WAPL: variants seen among roughly 807,000 people sequenced by gnomAD.
WAPL encodes the protein wings apart-like protein homolog.
Under a neutral mutation model 121.0 loss-of-function variants are expected in WAPL, and 5 were observed. The ratio of observed to expected loss-of-function variants is 0.04; its 90% confidence interval spans 0.02 to 0.09. The LOEUF (loss-of-function observed/expected upper bound fraction) is 0.09. WAPL is among the 10% of genes least tolerant of loss of function. WAPL has a pLI of 1.00. For missense variants in WAPL, 999 were observed against 1,410.8 expected (o/e 0.71, Z 4.68); for synonymous variants, 480 against 481.5 (o/e 1.00, Z 0.04).
intron 7 of WAPL, 56 bp from the exon 8 acceptor site, chr10:86,471,159 G>T: frequency 6.8e-7 from 1 of 1,467,896 alleles, no homozygotes; most frequent in South Asian, 1.2e-5. Context: ...CATTAGTTTT[G>T]AGTTTGTGTA....
intron 11 of WAPL, among the ~76,000 whole-genome samples, chr10:86,459,731 A>G (rs4934212): frequency 0.82 from 124,174 of 152,244 alleles, 51,869 homozygotes; most frequent in Non-Finnish European, 0.92. Context: ...AAATGCTAAT[A>G]ACAATTTAAA....
Position 86,472,172 on chromosome 10 carries a change from T to C in WAPL, c.2030+36A>G. Reference sequence around the variant, plus strand: ...CTAGTTGAAAAAATTTAATACAGCATGCACATAATTGTAAAATATAAAAAT... The same window carrying C: ...CTAGTTGAAAAAATTTAATACAGCACGCACATAATTGTAAAATATAAAAAT... On this transcript the variant is annotated intron_variant, in intron 7 of 18. Transcript: ENST00000298767. This position sits in a 1 kb window ranked among gnomAD's most constrained non-coding sequence, Gnocchi z 4.2. 2 of 1,520,620 alleles carry C rather than the reference T, an allele frequency of 1.3e-6. No individual in the cohort carries two copies. The highest frequency in any genetic ancestry group is 1.8e-6 in the Non-Finnish European group (2 of 1,141,788). 94.2% of individuals were successfully genotyped at this position (1,520,620 alleles called of 1,614,324 possible). A position where few individuals can be genotyped will look rare whatever the true frequency, so the allele number is the denominator to read the frequency against.
intron 4 of WAPL, among the ~76,000 whole-genome samples, chr10:86,487,237 A>G (rs2132208821): frequency 6.6e-6 from 1 of 152,176 alleles, no homozygotes. Flanking sequence ...TAATCTAAGT[A>G]TATCAGCACA....
chr10:86,440,339 A>G (rs536259116), intron 17 of WAPL, among the ~76,000 whole-genome samples: 5 of 151,736 alleles, frequency 3.3e-5, no homozygotes, highest in Admixed American at 1.3e-4. Context: ...CCAGGCTGGA[A>G]TGCAGTGGTG....
chr10:86,506,107 C>T (rs1239927516), intron 2 of WAPL, among the ~76,000 whole-genome samples: 1 of 152,118 alleles, frequency 6.6e-6, no homozygotes, highest in Non-Finnish European at 1.5e-5. Context: ...TGATGGTACA[C>T]ACCCGTGGTC....
chr10:86,447,677 A>G (rs1849658270), intron 15 of WAPL, among the ~76,000 whole-genome samples: 1 of 152,214 alleles, frequency 6.6e-6, no homozygotes, highest in South Asian at 2.1e-4. Flanking sequence ...GGAGTTAGGC[A>G]TATCAACTTT....
intron 17 of WAPL, 100 bp downstream of exon 17, chr10:86,443,175 A>G (rs1386519928): frequency 1.1e-6 from 1 of 895,534 alleles, no homozygotes; most frequent in African/African-American, 1.6e-5. Flanking sequence ...ATTAAGGGGG[A>G]AACACTGAAG....
Position 86,472,836 on chromosome 10 carries a change from A to T in WAPL, c.1741-72T>A, listed in dbSNP as rs1841564750. The T allele has an allele frequency of 1.4e-6, 2 of 1,418,660 alleles. No homozygotes were observed. Among genetic ancestry groups the T allele is most frequent in the Admixed American group, 5.2e-5 (2 of 38,674 alleles). 87.9% of individuals were successfully genotyped at this position (1,418,660 alleles called of 1,614,324 possible). On this transcript the variant is annotated intron_variant, in intron 5 of 18. Transcript: ENST00000298767. The surrounding 1 kb of genome is among the most constrained non-coding windows in gnomAD (Gnocchi z 4.2). ...AATAGGAACGTCTCATCTATCTGGC[A>T]AATTCAGCTTCAAAAAAAAGTAAAT...
rs1026905491 is a variant in WAPL, at chr10:86,499,702, T to G, written c.1525+16A>C. 4 of 1,536,624 alleles carry G rather than the reference T, an allele frequency of 2.6e-6. No individual in the cohort carries two copies. In the African/African-American group the frequency reaches 4.2e-5, roughly 16 times the overall value. ...GGAACTATTGTACTTATTATACATA[T>G]TTTTTAAATTCTTACCTGCATTGTT... On this transcript the variant is annotated intron_variant, in intron 3 of 18. Coordinates refer to ENST00000298767, the MANE Select transcript of WAPL (RefSeq NM_015045.5).
At chr10:86,509,096 CTT>C (rs1237522459) in intron 2 of WAPL, among the ~76,000 whole-genome samples, 9 of 152,194 alleles carry the variant, frequency 5.9e-5, no homozygotes, top group Admixed American at 3.9e-4. Context: ...CTTACACTCT[CTT>C]TAATGACTTC....
chr10:86,450,081 G>A (rs1420055123), intron 15 of WAPL, among the ~76,000 whole-genome samples: 1 of 152,184 alleles, frequency 6.6e-6, no homozygotes, highest in East Asian at 1.9e-4. Flanking sequence ...TTTTGCTATA[G>A]TACTACAGTT....
rs1296932655 is a variant in WAPL at position 86,471,056 on chromosome 10, T to A, written c.2078A>T (p.His693Leu). 6.2e-7 allele frequency: 1 copy of A among 1,613,824 alleles called. No individual in the cohort carries two copies. The highest frequency in any genetic ancestry group is 1.3e-5 in the African/African-American group (1 of 74,926). ...TGCTACCATCCCATGTGCTCTCAGG[T>A]GCATTCGAAAACTGGGCATGGCACA... is the stretch of plus-strand genomic sequence containing the variant. Reference protein sequence around the residue: ...TKCAMPSFRMHLRAHGMVAMV... With the variant: ...TKCAMPSFRMLLRAHGMVAMV... Residue 693 changes from histidine to leucine, a missense_variant, in exon 8 of 19, where the codon CAC becomes CTC. This residue lies in a region of WAPL where 118 missense variants were observed against 318.3 expected (regional missense o/e 0.37). Transcript: ENST00000298767.
chr10:86,477,461 G>C (rs1841684364), intron 4 of WAPL, among the ~76,000 whole-genome samples: 3 of 152,130 alleles, frequency 2.0e-5, no homozygotes. Context: ...CATTCTGATT[G>C]CACCACCAGG....
chr10:86,455,266 G>T (rs1414265168), intron 12 of WAPL, among the ~76,000 whole-genome samples: 2 of 152,270 alleles, frequency 1.3e-5, no homozygotes, highest in Non-Finnish European at 2.9e-5. Flanking sequence ...GTGGGGAAAA[G>T]AAAATCAGAT....
rs766842267 is a variant in WAPL, at chr10:86,453,754, G to A, written c.2735C>T (p.Pro912Leu). 18 of 1,614,062 alleles carry A rather than the reference G, an allele frequency of 1.1e-5. No individual in the cohort carries two copies. Among genetic ancestry groups the A allele is most frequent in the Non-Finnish European group, 1.4e-5 (16 of 1,180,034 alleles). The change falls in exon 13 of 19, where the codon CCT becomes CTT. Residue 912 changes from proline to leucine, a missense_variant. Pro to Leu is a moderately conservative substitution (Grantham distance 98). Coordinates refer to ENST00000298767, the MANE Select transcript of WAPL (RefSeq NM_015045.5). ...GTTAGTTACATTCTGGTGAGGCAGA[G>A]GCTTACTGTCAGCTAAGCATATGCT... ...EDSICLADSK[P>L]LPHQNVTNHV...
chr10:86,462,886 TGAAGCCTAATGAGG>T (rs1448755608), intron 9 of WAPL, among the ~76,000 whole-genome samples: 3 of 152,200 alleles, frequency 2.0e-5, no homozygotes, highest in Non-Finnish European at 4.4e-5. Context: ...CAGGCAAAGC[TGAAGCCTAATGAGG>T]CATTCTTTGT....
chr10:86,494,470 T>C (rs1842112645), intron 4 of WAPL, among the ~76,000 whole-genome samples: 2 of 152,206 alleles, frequency 1.3e-5, no homozygotes, highest in East Asian at 3.8e-4. Flanking sequence ...TTGTTTTCCT[T>C]GAAGTATTTG....
At chr10:86,455,716 A>AAAG (rs1841129729) in intron 12 of WAPL, among the ~76,000 whole-genome samples, 1 of 66,228 alleles carries the variant, frequency 1.5e-5, no homozygotes, top group Non-Finnish European at 4.4e-5. Context: ...AAAAAAAAAG[A>AAAG]AAAAAAGAAA....
chr10:86,491,028 ACTCCAGCCTGGG>A (rs933338862), intron 4 of WAPL, among the ~76,000 whole-genome samples: 3 of 151,226 alleles, frequency 2.0e-5, no homozygotes, highest in Non-Finnish European at 4.4e-5. Context: ...ATGCCACCGC[ACTCCAGCCTGGG>A]TGACAGAGCA....
Sources: allele counts gnomAD v4.1 joint callset (sites outside exome capture counted in the v4.1 genomes callset), GRCh38; gene constraint gnomAD v4.1.1; regional missense constraint gnomAD v4.1.1; non-coding constraint Gnocchi (gnomAD v3.1); transcripts MANE v1.5; gene names NCBI Gene and HGNC (gene_info 2026-07-23, HGNC 2026-07-21).